The following FARP1 variants were observed in gnomAD, a reference collection of about 807,000 sequenced individuals.
The protein encoded by FARP1 is FERM, ARHGEF and pleckstrin domain-containing protein 1.
Under a neutral mutation model 128.8 loss-of-function variants are expected in FARP1, and 52 were observed. The ratio of observed to expected loss-of-function variants is 0.40; its 90% CI spans 0.32 to 0.51. The LOEUF (loss-of-function observed/expected upper bound fraction) is 0.51. FARP1 is among the 20% of genes least tolerant of loss of function. The pLI is 0.45. For missense variants in FARP1, 1,333 were observed against 1,367.9 expected (o/e 0.97, Z 0.40); for synonymous variants, 580 against 551.8 (o/e 1.05, Z -0.72).
chr13:98,330,198 G>A lies in FARP1; in HGVS notation c.172-13564G>A, dbSNP rs141769789. The stretch of plus-strand genomic sequence containing the variant: ...TGGCTGGAGAGGAGTGAGCCAGAGG[G>A]AGGACATTTGGATATGAGCTCAGGT... On this transcript the variant is annotated intron_variant, in intron 2 of 26. Transcript: ENST00000319562. 9.8e-4 allele frequency among the ~76,000 whole-genome samples: 149 copies of A among 152,284 alleles called. 2 individuals carry two copies. The East Asian group carries it at 0.018, about 18-fold the overall frequency.
intron 2 of FARP1, among the ~76,000 whole-genome samples, chr13:98,257,356 G>A (rs563164133): frequency 2.0e-5 from 3 of 152,220 alleles, no homozygotes; most frequent in South Asian, 2.1e-4. Context: ...TCACTGACAC[G>A]TCTAATTTTG....
chr13:98,219,790 C>T lies in FARP1; in HGVS notation c.171+6377C>T, dbSNP rs369595862. Among the ~76,000 whole-genome samples, 41 of 152,270 alleles carry T rather than the reference C, an allele frequency of 2.7e-4. No individual in the cohort carries two copies. The East Asian group carries it at 3.5e-3, about 13-fold the overall frequency. ...AGCGGGCCTCCCACCACAGTCCCCCCTAGTTGCTGAGACTACAGGCACGCA... is the reference window on the plus strand; with the variant it reads ...AGCGGGCCTCCCACCACAGTCCCCCTTAGTTGCTGAGACTACAGGCACGCA... On this transcript the variant is annotated intron_variant, in intron 2 of 26. Coordinates refer to ENST00000319562, the MANE Select transcript of FARP1 (RefSeq NM_005766.4).
At chr13:98,394,332 CA>C (rs1161378480) in intron 12 of FARP1, among the ~76,000 whole-genome samples, 3 of 152,032 alleles carry the variant, frequency 2.0e-5, no homozygotes, top group South Asian at 2.1e-4. Flanking sequence ...CGTGTGAATC[CA>C]AAAAAACCCC....
intron 1 of FARP1, among the ~76,000 whole-genome samples, chr13:98,151,677 T>TTTTTTTTTTTTTTTTTTTTTC (rs1876013877): frequency 7.1e-6 from 1 of 140,550 alleles, no homozygotes; most frequent in Non-Finnish European, 1.5e-5. Flanking sequence ...TTTTTTTTTT[T>TTTTTTTTTTTTTTTTTTTTTC]TTGAGACGGA....
At chr13:98,364,991 G>C (rs1255284734) in intron 3 of FARP1, among the ~76,000 whole-genome samples, 1 of 152,168 alleles carries the variant, frequency 6.6e-6, no homozygotes, top group Non-Finnish European at 1.5e-5. Flanking sequence ...ATCCCTCAAA[G>C]ATGTGCTGTT....
intron 1 of FARP1, among the ~76,000 whole-genome samples, chr13:98,162,424 G>A (rs900541039): frequency 4.6e-5 from 7 of 152,114 alleles, no homozygotes; most frequent in Non-Finnish European, 8.8e-5. Flanking sequence ...TTTTGTTTGC[G>A]TTTGTGCCGC....
chr13:98,205,314 C>G (rs1480009984), intron 1 of FARP1, among the ~76,000 whole-genome samples: 2 of 151,212 alleles, frequency 1.3e-5, no homozygotes, highest in African/African-American at 4.9e-5. Context: ...TTTTCCTGTT[C>G]TATTCTTTGA....
chr13:98,290,023 T>C (rs554598243), intron 2 of FARP1, among the ~76,000 whole-genome samples: 9 of 151,820 alleles, frequency 5.9e-5, no homozygotes. Context: ...TCAGTACAAC[T>C]CTGATTTAGA....
intron 1 of FARP1, among the ~76,000 whole-genome samples, chr13:98,200,521 A>C (rs1310916662): frequency 6.6e-6 from 1 of 152,062 alleles, no homozygotes; most frequent in Non-Finnish European, 1.5e-5. Context: ...AGTAGAGAGT[A>C]GGCTTTCTCT....
At chr13:98,153,521 A>ATATATAAATATGTATAAATATATT (rs1876247362) in intron 1 of FARP1, among the ~76,000 whole-genome samples, 1 of 15,052 alleles carries the variant, frequency 6.6e-5, no homozygotes, top group Non-Finnish European at 5.6e-4. Flanking sequence ...ATATATATTT[A>ATATATAAATATGTATAAATATATT]TATATATATT....
chr13:98,155,326 C>T (rs1409672407), intron 1 of FARP1, among the ~76,000 whole-genome samples: 3 of 118,360 alleles, frequency 2.5e-5, no homozygotes, highest in South Asian at 2.9e-4. Flanking sequence ...GCCTGGGTAA[C>T]GAGCGAAACT....
intron 2 of FARP1, among the ~76,000 whole-genome samples, chr13:98,253,953 G>T (rs1160929837): frequency 6.6e-6 from 1 of 152,202 alleles, no homozygotes; most frequent in Non-Finnish European, 1.5e-5. Context: ...CTGATGGGCA[G>T]TTTTGGCTCT....
chr13:98,197,739 A>G (rs1392950943), intron 1 of FARP1, among the ~76,000 whole-genome samples: 6 of 151,300 alleles, frequency 4.0e-5, no homozygotes, highest in Non-Finnish European at 8.8e-5. Context: ...GGTTCACGCC[A>G]TTCTTCTGCC....
rs1205307753 is a variant in FARP1 at position 98,280,578 on chromosome 13, C to A, written c.172-63184C>A. ...CGGACACCCGGTGTACTGTCAGCAC[C>A]CACGACTGTGGTAAACGAGCAACTT... is the stretch of plus-strand genomic sequence containing the variant. On this transcript the variant is annotated intron_variant, in intron 2 of 26. Coordinates refer to ENST00000319562, the MANE Select transcript of FARP1 (RefSeq NM_005766.4). Among the ~76,000 whole-genome samples, 12 of 152,312 alleles carry A rather than the reference C, an allele frequency of 7.9e-5. No individual in the cohort carries two copies. The East Asian group carries it at 2.3e-3, about 29-fold the overall frequency.
chr13:98,167,448 C>G (rs985045018), intron 1 of FARP1, among the ~76,000 whole-genome samples: 11 of 138,978 alleles, frequency 7.9e-5, no homozygotes, highest in African/African-American at 2.9e-4. Context: ...CTCACTCTGT[C>G]ACCCAGGCTG....
intron 2 of FARP1, among the ~76,000 whole-genome samples, chr13:98,292,798 A>G (rs1885509757): frequency 6.6e-6 from 1 of 152,134 alleles, no homozygotes. Flanking sequence ...CAGTGGCATG[A>G]TCTTGGTGGT....
intron 2 of FARP1, chr13:98,332,415 A>G (rs901726742): frequency 4.6e-5 from 7 of 152,230 alleles, no homozygotes; most frequent in African/African-American, 1.4e-4. Context: ...ACCTCTTTGC[A>G]GAACACAAAG....
intron 9 of FARP1, chr13:98,389,675 T>C (rs997104693): frequency 3.1e-6 from 1 of 325,842 alleles, no homozygotes; most frequent in African/African-American, 2.1e-5. Flanking sequence ...ATAATTTGTA[T>C]ATGAAATCTG....
chr13:98,418,972 A>AT (rs1396567305), intron 16 of FARP1, among the ~76,000 whole-genome samples: 1 of 152,164 alleles, frequency 6.6e-6, no homozygotes, highest in Admixed American at 6.5e-5. Flanking sequence ...TAAGAGTGTA[A>AT]TTGACAGACT....
Sources: gnomAD v4.1 joint callset for allele counts (sites outside exome capture counted in the v4.1 genomes callset) on GRCh38, gnomAD v4.1.1 for gene constraint, MANE v1.5 for transcripts, NCBI Gene and HGNC (gene_info 2026-07-23, HGNC 2026-07-21) for gene names.